Variants in CLINT1 observed in about 807,000 individuals in gnomAD.
The protein encoded by CLINT1 is clathrin interacting protein localized in the trans-Golgi region.
Under a neutral mutation model 70.4 loss-of-function variants are expected in CLINT1, and 15 were observed. That is an observed-to-expected ratio of 0.21 (90% CI 0.14 to 0.33). CLINT1 has a LOEUF of 0.33. CLINT1 is among the 10% of genes least tolerant of loss of function. The probability of loss-of-function intolerance (pLI) is 1.00; values close to 1 mark genes in which losing one functional copy is unlikely to be tolerated. For synonymous variants in CLINT1, 227 were observed against 254.7 expected (o/e 0.89, Z 1.04); for missense variants, 615 against 778.1 (o/e 0.79, Z 2.49).
intron 9 of CLINT1, among the ~76,000 whole-genome samples, 163 bp from the exon 10 acceptor site, chr5:157,792,158 C>T (rs533209895): frequency 1.4e-4 from 22 of 152,180 alleles, no homozygotes; most frequent in Admixed American, 6.5e-4. Context: ...AAATATTACA[C>T]GAGAGTTAAC....
At chr5:157,815,065 A>T (rs1311449281) in intron 3 of CLINT1, among the ~76,000 whole-genome samples, 1 of 151,916 alleles carries the variant, frequency 6.6e-6, no homozygotes, top group Non-Finnish European at 1.5e-5. Flanking sequence ...ACCAAAAAAT[A>T]ATAATTTAAA....
chr5:157,847,969 A>G (rs917303380), intron 1 of CLINT1, among the ~76,000 whole-genome samples: 2 of 151,920 alleles, frequency 1.3e-5, no homozygotes, highest in African/African-American at 2.4e-5. Context: ...ACCACACCTG[A>G]CTAATTTTTG....
chr5:157,810,277 C>T (rs2113195287), intron 5 of CLINT1, among the ~76,000 whole-genome samples: 1 of 152,296 alleles, frequency 6.6e-6, no homozygotes, highest in South Asian at 2.1e-4. Context: ...AATCTGAATG[C>T]TACATGTCCC....
At chr5:157,828,057 TA>T (rs1389799345) in intron 1 of CLINT1, among the ~76,000 whole-genome samples, 1 of 152,186 alleles carries the variant, frequency 6.6e-6, no homozygotes, top group Admixed American at 6.6e-5. Flanking sequence ...TTATGGAGAT[TA>T]AATGAAATGA....
intron 8 of CLINT1, among the ~76,000 whole-genome samples, chr5:157,801,487 C>A (rs999126077): frequency 6.6e-6 from 1 of 151,146 alleles, no homozygotes; most frequent in Non-Finnish European, 1.5e-5. Flanking sequence ...GCCTGGGCAA[C>A]AAGGGCGAAA....
At chr5:157,806,180 T>G (rs1283658076) in intron 6 of CLINT1, 68 bp from the exon 7 acceptor site, 8 of 1,509,344 alleles carry the variant, frequency 5.3e-6, no homozygotes, top group Non-Finnish European at 5.4e-6. Context: ...CCTCAGTGAT[T>G]TGAGCTAAAG....
intron 1 of CLINT1, among the ~76,000 whole-genome samples, chr5:157,828,345 C>T (rs1425860935): frequency 1.3e-5 from 2 of 152,106 alleles, no homozygotes; most frequent in Non-Finnish European, 2.9e-5. Flanking sequence ...AAAATAGCTT[C>T]CAAAATGTGG....
chr5:157,845,986 G>C (rs1313030869), intron 1 of CLINT1, among the ~76,000 whole-genome samples: 1 of 152,150 alleles, frequency 6.6e-6, no homozygotes, highest in Non-Finnish European at 1.5e-5. Context: ...CTAATTGATA[G>C]TAAGTTGAAT....
rs577422854 is a variant in CLINT1, at chr5:157,837,833, G to A, written c.42-20286C>T. ...TAACTTTTGTGTTTTTAGTAGAGACGGGGTTTCACCATGTTGGCCAGGATG... is the reference window on the plus strand; with the variant it reads ...TAACTTTTGTGTTTTTAGTAGAGACAGGGTTTCACCATGTTGGCCAGGATG... On this transcript the variant is annotated intron_variant, in intron 1 of 11. Transcript: ENST00000411809. 3.3e-5 allele frequency among the ~76,000 whole-genome samples: 5 copies of A among 151,494 alleles called. 1 individual carries two copies. Among genetic ancestry groups the A allele is most frequent in the African/African-American group, 1.2e-4 (5 of 41,266 alleles).
Position 157,813,088 on chromosome 5 carries a change from T to A in CLINT1, c.492A>T (p.Ser164=). 6.2e-7 allele frequency: 1 copy of A among 1,613,908 alleles called. No individual in the cohort carries two copies. The highest frequency in any genetic ancestry group is 2.2e-5 in the East Asian group (1 of 44,866). ...KNKDKYVGVS[S]DSVGGFRYSE... ...TGTATCTGAATCCTCCAACACTGTC[T>A]GAGGAAACCCCAACATACTTGTCTT... Residue 164 remains serine, a synonymous_variant, in exon 5 of 12, where the codon TCA becomes TCT. Transcript: ENST00000411809.
chr5:157,808,059 A>G (rs1762438438), intron 6 of CLINT1, among the ~76,000 whole-genome samples: 1 of 152,110 alleles, frequency 6.6e-6, no homozygotes. Context: ...GTATATATCT[A>G]GCTTTTTTAT....
intron 6 of CLINT1, 131 bp downstream of exon 6, chr5:157,809,497 T>TAA (rs60217753): frequency 9.2e-3 from 4,567 of 498,750 alleles, no homozygotes; most frequent in East Asian, 0.022. Flanking sequence ...TGAAGTCTAT[T>TAA]AAAAAAAAAA....
chr5:157,853,777 C>CA (rs11316474), intron 1 of CLINT1, among the ~76,000 whole-genome samples: 7,891 of 48,114 alleles, frequency 0.16, 1,577 homozygotes, highest in Non-Finnish European at 0.23. Flanking sequence ...GACACCATCT[C>CA]AAAAAAAAAA....
At chr5:157,820,272 A>G (rs893150529) in intron 1 of CLINT1, among the ~76,000 whole-genome samples, 6 of 152,122 alleles carry the variant, frequency 3.9e-5, no homozygotes, top group African/African-American at 1.4e-4. Flanking sequence ...AACATGGCAA[A>G]ACTCCATCAC....
chr5:157,827,767 C>G (rs1763085599), intron 1 of CLINT1, among the ~76,000 whole-genome samples: 1 of 152,134 alleles, frequency 6.6e-6, no homozygotes, highest in African/African-American at 2.4e-5. Context: ...TGCCCATTTT[C>G]AGATATTAAA....
chr5:157,819,241 T>C (rs3777061), intron 1 of CLINT1, among the ~76,000 whole-genome samples: 20,380 of 152,208 alleles, frequency 0.13, 1,798 homozygotes, highest in African/African-American at 0.25. Context: ...ACTGAATCAA[T>C]CTGGCTTTCA....
intron 1 of CLINT1, among the ~76,000 whole-genome samples, chr5:157,818,352 GTGTT>G (rs1317818906): frequency 6.6e-6 from 1 of 150,734 alleles, no homozygotes; most frequent in Non-Finnish European, 1.5e-5. Context: ...ACAGCAAATG[GTGTT>G]TATTTAGCAC....
intron 11 of CLINT1, 30 bp downstream of exon 11, chr5:157,789,333 A>G: frequency 6.3e-7 from 1 of 1,589,514 alleles, no homozygotes; most frequent in Non-Finnish European, 8.6e-7. Flanking sequence ...GCAAGTACAC[A>G]AAGAAGTGGG....
chr5:157,834,596 C>T (rs927775345), intron 1 of CLINT1, among the ~76,000 whole-genome samples: 2 of 152,214 alleles, frequency 1.3e-5, no homozygotes, highest in African/African-American at 4.8e-5. Flanking sequence ...GATGATTACA[C>T]TGCTTTACTA....
Sources: gnomAD v4.1 joint callset for allele counts (sites outside exome capture counted in the v4.1 genomes callset) on GRCh38, gnomAD v4.1.1 for gene constraint, MANE v1.5 for transcripts, NCBI Gene and HGNC (gene_info 2026-07-23, HGNC 2026-07-21) for gene names.